Variants in STK32B observed in about 807,000 individuals in gnomAD.
STK32B encodes serine/threonine-protein kinase 32B.
STK32B carries 43 observed loss-of-function variants against 52.6 expected under a neutral mutation model. That is an observed-to-expected ratio of 0.82 (90% CI 0.64 to 1.05). The LOEUF is 1.05. STK32B is among the 50% of genes least tolerant of loss of function. The probability of loss-of-function intolerance (pLI) is 0.00; values close to 1 mark genes in which losing one functional copy is unlikely to be tolerated. For synonymous variants in STK32B, 238 were observed against 204.3 expected, an observed-to-expected ratio of 1.17 and a Z score of -1.41; for missense variants, 621 against 534.6, an observed-to-expected ratio of 1.16 and a Z score of -1.59.
At chr4:5,148,260 A>T (rs1205838336) in intron 2 of STK32B, among the ~76,000 whole-genome samples, 1 of 151,594 alleles carries the variant, frequency 6.6e-6, no homozygotes, top group African/African-American at 2.4e-5. Flanking sequence ...TTCATTTCTG[A>T]TATTAGCAGT....
chr4:5,364,159 AC>A (rs1396204175), intron 4 of STK32B, among the ~76,000 whole-genome samples: 1 of 151,818 alleles, frequency 6.6e-6, no homozygotes, highest in East Asian at 1.9e-4. Flanking sequence ...TCAAGATTTG[AC>A]CCCCTTAATT....
At chr4:5,167,465 C>T (rs1718969277) in intron 2 of STK32B, among the ~76,000 whole-genome samples, 2 of 152,084 alleles carry the variant, frequency 1.3e-5, no homozygotes, top group South Asian at 4.1e-4. Context: ...CTGTGCTCCC[C>T]CAGAACCCAT....
At chr4:5,248,929 G>T (rs1437582137) in intron 3 of STK32B, among the ~76,000 whole-genome samples, 1 of 149,642 alleles carries the variant, frequency 6.7e-6, no homozygotes, top group Non-Finnish European at 1.5e-5. Flanking sequence ...CTGTTGTGGG[G>T]TGGGGGGAGA....
chr4:5,485,092 T>G (rs1477609664), intron 11 of STK32B, among the ~76,000 whole-genome samples: 1 of 151,886 alleles, frequency 6.6e-6, no homozygotes, highest in African/African-American at 2.4e-5. Flanking sequence ...TCGTGGAGTA[T>G]CTTGGTGGCG....
intron 3 of STK32B, among the ~76,000 whole-genome samples, chr4:5,186,644 A>G (rs1720761314): frequency 6.6e-6 from 1 of 152,158 alleles, no homozygotes; most frequent in Admixed American, 6.5e-5. Context: ...TCCATCCCCA[A>G]CACACAGAGA....
chr4:5,037,306 T>A, the STK32B span, among the ~76,000 whole-genome samples: 1 of 152,290 alleles, frequency 6.6e-6, no homozygotes, highest in South Asian at 2.1e-4. Context: ...TGCTAACAAA[T>A]CAGCACCCAT....
At chr4:5,409,002 A>T (rs970951266) in intron 5 of STK32B, among the ~76,000 whole-genome samples, 1 of 152,108 alleles carries the variant, frequency 6.6e-6, no homozygotes, top group African/African-American at 2.4e-5. Flanking sequence ...TGGCTGCAGG[A>T]GCTTGGGTGA....
Position 5,309,610 on chromosome 4 carries a change from G to T in STK32B, c.261-21610G>T, listed in dbSNP as rs139530923. On this transcript the variant is annotated intron_variant, in intron 3 of 11. Coordinates refer to ENST00000282908, the MANE Select transcript of STK32B (RefSeq NM_018401.3). The stretch of plus-strand genomic sequence containing the variant: ...TACAACCAATGGACTTTTGGCAAAG[G>T]TACCAATAACATTTACAGGGGAGAA... 2.6e-5 allele frequency among the ~76,000 whole-genome samples: 4 copies of T among 152,174 alleles called. No individual in the cohort carries two copies. In the East Asian group the frequency reaches 5.8e-4, roughly 22 times the overall value.
At chr4:5,359,677 A>G (rs1484805228) in intron 4 of STK32B, among the ~76,000 whole-genome samples, 3 of 152,312 alleles carry the variant, frequency 2.0e-5, no homozygotes, top group Admixed American at 6.5e-5. Flanking sequence ...TCTCTGATAC[A>G]GGGACATGTG....
At chr4:5,285,073 A>G (rs1020894924) in intron 3 of STK32B, among the ~76,000 whole-genome samples, 8 of 152,232 alleles carry the variant, frequency 5.3e-5, no homozygotes, top group African/African-American at 1.9e-4. Context: ...TATTGTAAAT[A>G]TATTTTCTCT....
At chr4:5,036,069 A>G in the STK32B span, among the ~76,000 whole-genome samples, 3 of 152,198 alleles carry the variant, frequency 2.0e-5, no homozygotes, top group Non-Finnish European at 2.9e-5. Flanking sequence ...GGCGTGAGCC[A>G]TCGTGCCTGG....
chr4:5,436,579 G>C (rs762392935), intron 6 of STK32B: 462 of 985,310 alleles, frequency 4.7e-4, no homozygotes, highest in Non-Finnish European at 5.3e-4. Flanking sequence ...CAGCTGGGAA[G>C]CTATGCTGCT....
intron 11 of STK32B, among the ~76,000 whole-genome samples, chr4:5,471,435 G>A (rs867158030): frequency 2.0e-5 from 3 of 152,042 alleles, no homozygotes; most frequent in East Asian, 1.9e-4. Context: ...CAGCATTGGC[G>A]GCCATCCAGC....
chr4:5,326,317 G>C (rs543752559), intron 3 of STK32B, among the ~76,000 whole-genome samples: 3 of 152,216 alleles, frequency 2.0e-5, no homozygotes, highest in African/African-American at 7.2e-5. Context: ...CTATCCAGTA[G>C]CAAATACATG....
chr4:5,040,797 T>C, the STK32B span, among the ~76,000 whole-genome samples: 16 of 152,300 alleles, frequency 1.1e-4, no homozygotes, highest in Admixed American at 7.8e-4. Flanking sequence ...ATATGCGTTG[T>C]CACCACATGC....
At chr4:5,143,101 CTCTGTCTGTCTG>C (rs3072779) in intron 2 of STK32B, among the ~76,000 whole-genome samples, 1,615 of 135,686 alleles carry the variant, frequency 0.012, 30 homozygotes, top group African/African-American at 0.04. Context: ...CTGTCTCTGT[CTCTGTCTGTCTG>C]TCTGTCTGTC....
chr4:5,123,632 C>T (rs755860630), intron 1 of STK32B, among the ~76,000 whole-genome samples: 14 of 152,098 alleles, frequency 9.2e-5, no homozygotes, highest in East Asian at 1.9e-4. Flanking sequence ...GTGTCCTCCA[C>T]GTGGCCACCC....
At chr4:5,392,220 A>G (rs1315776060) in intron 4 of STK32B, among the ~76,000 whole-genome samples, 1 of 152,150 alleles carries the variant, frequency 6.6e-6, no homozygotes, top group Admixed American at 6.5e-5. Flanking sequence ...GGATCACTTG[A>G]GGTCAGGAGT....
At chr4:5,433,132 A>G (rs1713738067) in intron 6 of STK32B, among the ~76,000 whole-genome samples, 1 of 152,196 alleles carries the variant, frequency 6.6e-6, no homozygotes, top group Admixed American at 6.5e-5. Context: ...GGGAGCAAAA[A>G]TGAGACCAGA....
Sources: gnomAD v4.1 joint callset for allele counts (sites outside exome capture counted in the v4.1 genomes callset) on GRCh38, gnomAD v4.1.1 for gene constraint, MANE v1.5 for transcripts, NCBI Gene and HGNC (gene_info 2026-07-23, HGNC 2026-07-21) for gene names.